KCNH1: variants seen among roughly 807,000 people sequenced by gnomAD.
KCNH1 encodes the protein voltage-gated delayed rectifier potassium channel KCNH1.
A neutral mutation model predicts 69.2 loss-of-function variants in KCNH1; 27 were observed. The observed-to-expected ratio is 0.39, with a 90% CI of 0.29 to 0.54. KCNH1 has a LOEUF of 0.54. KCNH1 is among the 20% of genes least tolerant of loss of function. The pLI, the probability that KCNH1 is intolerant of heterozygous loss-of-function variation, is 0.68. For synonymous variants in KCNH1, 456 were observed against 487.7 expected (o/e 0.93, Z 0.86); for missense variants, 798 against 1,261.6 (o/e 0.63, Z 5.57).
chr1:210,722,321 A>G (rs1053230691), intron 10 of KCNH1, among the ~76,000 whole-genome samples: 2 of 152,116 alleles, frequency 1.3e-5, no homozygotes, highest in Middle Eastern at 3.2e-3. Context: ...GTGTGCTTAT[A>G]TAGTGCTTAT....
intron 5 of KCNH1, among the ~76,000 whole-genome samples, chr1:211,055,300 G>A (rs1263541187): frequency 1.3e-5 from 2 of 152,176 alleles, no homozygotes; most frequent in African/African-American, 2.4e-5. Context: ...GGAACACAGT[G>A]CTGCCCTGTC....
At chr1:210,973,858 A>G (rs1436507341) in intron 6 of KCNH1, among the ~76,000 whole-genome samples, 1 of 152,182 alleles carries the variant, frequency 6.6e-6, no homozygotes, top group Non-Finnish European at 1.5e-5. Context: ...TGCTGCAACA[A>G]ATATTCCAGG....
intron 1 of KCNH1, among the ~76,000 whole-genome samples, chr1:211,122,567 G>A (rs1691708887): frequency 6.6e-6 from 1 of 152,168 alleles, no homozygotes; most frequent in Non-Finnish European, 1.5e-5. Flanking sequence ...CAAAGATGTG[G>A]AACCAACCCA....
chr1:211,019,492 T>C lies in KCNH1; in HGVS notation c.559-236A>G, dbSNP rs563462251. 3.3e-5 allele frequency among the ~76,000 whole-genome samples: 5 copies of C among 152,380 alleles called. No homozygotes were observed. In the Middle Eastern group the frequency reaches 0.014, roughly 415 times the overall value. On this transcript the variant is annotated intron_variant, in intron 5 of 10. Transcript: ENST00000271751. ...GAGCCAAGTGTTGTACTAAGCACTT[T>C]ACACACATTTATTCTATTACACCTT...
At chr1:211,094,699 C>T (rs1691114728) in intron 3 of KCNH1, among the ~76,000 whole-genome samples, 1 of 152,110 alleles carries the variant, frequency 6.6e-6, no homozygotes, top group Non-Finnish European at 1.5e-5. Flanking sequence ...TCTAGGAATG[C>T]TAAATTTAAA....
chr1:210,788,305 G>T (rs989488943), intron 9 of KCNH1, among the ~76,000 whole-genome samples: 2 of 151,920 alleles, frequency 1.3e-5, no homozygotes, highest in Non-Finnish European at 2.9e-5. Context: ...TCTAGTTAAG[G>T]TTACTCTATA....
At chr1:211,116,330 T>C (rs552853175) in intron 1 of KCNH1, among the ~76,000 whole-genome samples, 43 of 152,204 alleles carry the variant, frequency 2.8e-4, no homozygotes, top group African/African-American at 1.0e-3. Context: ...CTCTTAACAA[T>C]ATAACTTCTG....
intron 6 of KCNH1, among the ~76,000 whole-genome samples, chr1:211,009,405 T>G (rs1035200962): frequency 3.3e-5 from 5 of 152,004 alleles, no homozygotes; most frequent in African/African-American, 1.2e-4. Flanking sequence ...GGGCAGCAGC[T>G]GGGGTATGTG....
intron 6 of KCNH1, among the ~76,000 whole-genome samples, chr1:210,987,569 G>A (rs1277707950): frequency 6.6e-6 from 1 of 152,040 alleles, no homozygotes; most frequent in Admixed American, 6.5e-5. Flanking sequence ...GTTTGCCTGG[G>A]TATCAGCAGC....
intron 10 of KCNH1, among the ~76,000 whole-genome samples, chr1:210,710,930 T>C (rs9430043): frequency 0.028 from 4,211 of 152,310 alleles, 211 homozygotes; most frequent in African/African-American, 0.097. Flanking sequence ...ACAAGGCCCA[T>C]GCCCTTTGCC....
intron 9 of KCNH1, among the ~76,000 whole-genome samples, chr1:210,785,817 A>AG (rs1684089794): frequency 6.6e-6 from 1 of 152,172 alleles, no homozygotes; most frequent in Admixed American, 6.5e-5. Context: ...AACTGCCTGT[A>AG]GGAAGGATGT....
chr1:211,123,997 G>A (rs1691734638), intron 1 of KCNH1, among the ~76,000 whole-genome samples: 1 of 152,180 alleles, frequency 6.6e-6, no homozygotes, highest in South Asian at 2.1e-4. Context: ...AAGTCAGGCT[G>A]GAGCACTGTC....
chr1:211,071,666 G>C (rs901159130), intron 5 of KCNH1, among the ~76,000 whole-genome samples: 9 of 152,036 alleles, frequency 5.9e-5, no homozygotes, highest in Admixed American at 4.6e-4. Flanking sequence ...TAATAAAATA[G>C]ACTAGTGTCT....
chr1:210,928,816 C>T (rs962922549), intron 6 of KCNH1, among the ~76,000 whole-genome samples: 2 of 151,852 alleles, frequency 1.3e-5, no homozygotes, highest in African/African-American at 4.8e-5. Context: ...AGAAAAGATC[C>T]AAATAAACTC....
At chr1:210,974,631 T>A (rs1369255884) in intron 6 of KCNH1, among the ~76,000 whole-genome samples, 1 of 150,958 alleles carries the variant, frequency 6.6e-6, no homozygotes, top group African/African-American at 2.4e-5. Flanking sequence ...TGGCACGATC[T>A]TGGCTCACTG....
intron 5 of KCNH1, among the ~76,000 whole-genome samples, chr1:211,057,441 G>C (rs1690331449): frequency 6.6e-6 from 1 of 152,042 alleles, no homozygotes; most frequent in Non-Finnish European, 1.5e-5. Context: ...TTCGAGACCA[G>C]CCTGGGCAAC....
intron 5 of KCNH1, among the ~76,000 whole-genome samples, chr1:211,069,627 T>C (rs1403744193): frequency 6.6e-6 from 1 of 152,054 alleles, no homozygotes; most frequent in African/African-American, 2.4e-5. Context: ...TGAACACAGC[T>C]GAGGAAAGAA....
intron 5 of KCNH1, among the ~76,000 whole-genome samples, chr1:211,019,505 TC>T (rs1168084855): frequency 6.6e-6 from 1 of 152,268 alleles, no homozygotes; most frequent in Non-Finnish European, 1.5e-5. Flanking sequence ...ACACATTTAT[TC>T]TATTACACCT....
intron 7 of KCNH1, chr1:210,860,308 G>A (rs1685950145): frequency 1.7e-5 from 23 of 1,343,558 alleles, no homozygotes; most frequent in Middle Eastern, 2.5e-4. Context: ...CAGGCTATGC[G>A]CTAAAGAGAT....
Sources: allele counts gnomAD v4.1 joint callset (sites outside exome capture counted in the v4.1 genomes callset), GRCh38; gene constraint gnomAD v4.1.1; transcripts MANE v1.5; gene names NCBI Gene and HGNC (gene_info 2026-07-23, HGNC 2026-07-21).